GUCY1A2: variants seen among roughly 807,000 people sequenced by gnomAD.
The protein encoded by GUCY1A2 is guanylate cyclase soluble subunit alpha-2.
In GUCY1A2, 27 loss-of-function variants were observed where a neutral mutation model predicts 63.5. That is an observed-to-expected ratio of 0.43 (90% CI 0.31 to 0.59). GUCY1A2 has a LOEUF of 0.59. Ranked by LOEUF, GUCY1A2 falls within the 20% of genes least tolerant of loss-of-function variation. The pLI is 0.11. For missense variants in GUCY1A2, 768 were observed against 913.3 expected (o/e 0.84, Z 2.05); for synonymous variants, 364 against 343.5 (o/e 1.06, Z -0.66).
At chr11:107,010,657 A>G (rs1236985062) in intron 1 of GUCY1A2, among the ~76,000 whole-genome samples, 1 of 152,230 alleles carries the variant, frequency 6.6e-6, no homozygotes, top group African/African-American at 2.4e-5. Flanking sequence ...CCACCAAAAA[A>G]AAATTAAACA....
intron 4 of GUCY1A2, among the ~76,000 whole-genome samples, chr11:106,836,322 AAAGT>A (rs1033634732): frequency 5.4e-4 from 82 of 152,126 alleles, no homozygotes; most frequent in African/African-American, 1.8e-3. Flanking sequence ...TTCTTACAAT[AAAGT>A]AAGCTAGAGA....
chr11:106,778,388 T>C (rs375264608), intron 5 of GUCY1A2, among the ~76,000 whole-genome samples: 2 of 152,358 alleles, frequency 1.3e-5, no homozygotes, highest in Admixed American at 6.5e-5. Flanking sequence ...TATGTATCTA[T>C]ATAAAGTCAA....
chr11:106,826,813 G>A, intron 4 of GUCY1A2: 7 of 1,609,142 alleles, frequency 4.4e-6, no homozygotes, highest in East Asian at 2.2e-5. Flanking sequence ...CCAGGATGTA[G>A]TACAGATGTC....
At chr11:106,900,912 GGCT>G (rs1195788580) in intron 4 of GUCY1A2, among the ~76,000 whole-genome samples, 2 of 152,122 alleles carry the variant, frequency 1.3e-5, no homozygotes, top group East Asian at 1.9e-4. Context: ...CTCTGTTGTT[GGCT>G]GCTAACTGAT....
intron 4 of GUCY1A2, among the ~76,000 whole-genome samples, chr11:106,898,280 G>A (rs533041934): frequency 1.3e-5 from 2 of 152,212 alleles, no homozygotes; most frequent in African/African-American, 4.8e-5. Flanking sequence ...TTGGAAGACA[G>A]TTTGGCAGTT....
intron 4 of GUCY1A2, among the ~76,000 whole-genome samples, chr11:106,845,204 G>A (rs933386004): frequency 6.6e-6 from 1 of 151,096 alleles, no homozygotes; most frequent in African/African-American, 2.4e-5. Flanking sequence ...AAAGCAAATG[G>A]CTTATGTTTC....
intron 4 of GUCY1A2, among the ~76,000 whole-genome samples, chr11:106,856,855 G>C (rs1859443461): frequency 6.6e-6 from 1 of 152,116 alleles, no homozygotes; most frequent in Admixed American, 6.6e-5. Context: ...TCCCTACTTG[G>C]TGTCTTTATA....
At chr11:106,799,095 C>T (rs1027819210) in intron 5 of GUCY1A2, among the ~76,000 whole-genome samples, 2 of 152,156 alleles carry the variant, frequency 1.3e-5, no homozygotes, top group Admixed American at 6.6e-5. Flanking sequence ...GTGCAAAAAT[C>T]ACAAGCATTC....
Position 106,685,779 on chromosome 11 carries a change from T to G in GUCY1A2, c.*1770A>C. ...GCAAAGGTTTAGAGCTCAAGGTCTA[T>G]TTCCTGTCTTCTCCATATAAAGAGT... On this transcript the variant is annotated 3_prime_UTR_variant, in exon 8 of 8. Coordinates refer to ENST00000526355, the MANE Select transcript of GUCY1A2 (RefSeq NM_000855.3). 1 of 226,868 alleles carries G rather than the reference T, an allele frequency of 4.4e-6. No homozygotes were observed. Among genetic ancestry groups the G allele is most frequent in the Non-Finnish European group, 8.8e-6 (1 of 113,992 alleles). The allele number at this position is 226,868 out of a possible 1,614,324, so 14.1% of individuals were successfully genotyped here.
chr11:106,753,086 G>A (rs1863912062), intron 6 of GUCY1A2, among the ~76,000 whole-genome samples: 1 of 152,194 alleles, frequency 6.6e-6, no homozygotes, highest in African/African-American at 2.4e-5. Context: ...GTATCTCATT[G>A]TGGTTTTGAT....
At chr11:106,807,763 C>A (rs539085854) in intron 5 of GUCY1A2, among the ~76,000 whole-genome samples, 1 of 152,170 alleles carries the variant, frequency 6.6e-6, no homozygotes, top group Non-Finnish European at 1.5e-5. Context: ...CAGCTGCCAG[C>A]GTGACTAGGA....
At chr11:106,879,972 T>C (rs999993803) in intron 4 of GUCY1A2, among the ~76,000 whole-genome samples, 3 of 152,086 alleles carry the variant, frequency 2.0e-5, no homozygotes, top group Non-Finnish European at 4.4e-5. Flanking sequence ...CTGACAGCAA[T>C]GACGACTTAA....
intron 4 of GUCY1A2, among the ~76,000 whole-genome samples, chr11:106,890,285 C>T (rs1859956019): frequency 6.6e-6 from 1 of 152,144 alleles, no homozygotes; most frequent in African/African-American, 2.4e-5. Flanking sequence ...AATTGCATAA[C>T]CAGCAACCTG....
intron 1 of GUCY1A2, among the ~76,000 whole-genome samples, chr11:107,017,291 G>A (rs1861836351): frequency 6.6e-6 from 1 of 152,200 alleles, no homozygotes; most frequent in Non-Finnish European, 1.5e-5. Flanking sequence ...AAGACCAAGA[G>A]AGTGTGGGAA....
intron 3 of GUCY1A2, among the ~76,000 whole-genome samples, chr11:106,963,082 G>A (rs775150102): frequency 1.3e-5 from 2 of 152,096 alleles, no homozygotes; most frequent in African/African-American, 2.4e-5. Context: ...AATGCTATAT[G>A]GAGATACAGA....
At chr11:106,970,793 T>C (rs555418910) in intron 3 of GUCY1A2, among the ~76,000 whole-genome samples, 1 of 151,102 alleles carries the variant, frequency 6.6e-6, no homozygotes, top group Non-Finnish European at 1.5e-5. Context: ...AGTTAATTCA[T>C]AATAACCAAA....
chr11:106,983,492 A>C (rs1861363926), intron 2 of GUCY1A2, among the ~76,000 whole-genome samples: 1 of 152,196 alleles, frequency 6.6e-6, no homozygotes, highest in Admixed American at 6.5e-5. Context: ...AGACACAAAA[A>C]GCCTCAGAGA....
chr11:106,939,956 A>G lies in GUCY1A2; in HGVS notation c.710T>C (p.Leu237Pro). 6.2e-7 allele frequency: 1 copy of G among 1,613,954 alleles called. No homozygotes were observed. Among genetic ancestry groups the G allele is most frequent in the South Asian group, 1.1e-5 (1 of 91,080 alleles). ...AATATGGTGAGGGTGGAAGTAGTGG[A>G]GCATGAGAGTACCTTCAGGGAGCTC... ...CKELPEGTLM[L>P]HYFHPHHIVG... is the part of the protein sequence containing the mutation. Residue 237 changes from leucine to proline, a missense_variant, in exon 4 of 8, where the codon CTC (leucine) becomes CCC (proline). Coordinates refer to ENST00000526355, the MANE Select transcript of GUCY1A2 (RefSeq NM_000855.3).
At chr11:106,846,515 C>T (rs1485672785) in intron 4 of GUCY1A2, among the ~76,000 whole-genome samples, 1 of 151,594 alleles carries the variant, frequency 6.6e-6, no homozygotes, top group African/African-American at 2.4e-5. Flanking sequence ...GGGTTAAATA[C>T]TAACTTAAAA....
Sources: allele counts gnomAD v4.1 joint callset (sites outside exome capture counted in the v4.1 genomes callset), GRCh38; gene constraint gnomAD v4.1.1; transcripts MANE v1.5; gene names NCBI Gene and HGNC (gene_info 2026-07-23, HGNC 2026-07-21).